The following CPED1 variants were observed in gnomAD, a reference collection of about 807,000 sequenced individuals.
The protein encoded by CPED1 is cadherin like and PC-esterase domain containing 1, also known as cadherin-like and PC-esterase domain-containing protein 1.
In CPED1, 114 loss-of-function variants were observed where a neutral mutation model predicts 128.2. The ratio of observed to expected loss-of-function variants is 0.89; its 90% CI spans 0.76 to 1.04. The LOEUF (loss-of-function observed/expected upper bound fraction) is 1.04. CPED1 is among the 50% of genes least tolerant of loss of function. The pLI is 0.00. For missense variants in CPED1, 1,211 were observed against 1,207.1 expected (o/e 1.00, Z -0.05); for synonymous variants, 462 against 426.7 (o/e 1.08, Z -1.02).
intron 16 of CPED1, among the ~76,000 whole-genome samples, chr7:121,222,712 G>A (rs1318073992): frequency 6.6e-6 from 1 of 152,082 alleles, no homozygotes; most frequent in Non-Finnish European, 1.5e-5. Context: ...TATTCTTTTT[G>A]TAGCAATTGT....
intron 15 of CPED1, among the ~76,000 whole-genome samples, chr7:121,141,246 C>A (rs1795895129): frequency 6.6e-6 from 1 of 151,750 alleles, no homozygotes; most frequent in Admixed American, 6.6e-5. Flanking sequence ...TAGAGAAGAT[C>A]CATTAAGGAA....
chr7:121,069,617 C>G (rs910282123), intron 5 of CPED1, among the ~76,000 whole-genome samples: 1 of 152,046 alleles, frequency 6.6e-6, no homozygotes, highest in Admixed American at 6.6e-5. Context: ...GGCACACATC[C>G]ACGGAATTTT....
chr7:121,277,511 C>G (rs992524088), intron 22 of CPED1, among the ~76,000 whole-genome samples: 4 of 152,090 alleles, frequency 2.6e-5, no homozygotes, highest in South Asian at 2.1e-4. Flanking sequence ...CAAGTGTATT[C>G]TGTGTGGCAG....
At chr7:121,273,051 T>G (rs891686639) in intron 22 of CPED1, among the ~76,000 whole-genome samples, 2 of 151,892 alleles carry the variant, frequency 1.3e-5, no homozygotes, top group African/African-American at 4.9e-5. Context: ...CTCTAGGAGA[T>G]TCAGCTGAAA....
chr7:121,133,910 T>C lies in CPED1; in HGVS notation c.1648+17T>C, dbSNP rs767552161. The C allele has an allele frequency of 7.2e-7, 1 of 1,385,390 alleles. No individual in the cohort carries two copies. Among genetic ancestry groups the C allele is most frequent in the South Asian group, 1.3e-5 (1 of 79,094 alleles). The allele number at this position is 1,385,390 out of a possible 1,614,324, so 85.8% of individuals were successfully genotyped here. On this transcript the variant is annotated intron_variant, in intron 13 of 22. Transcript: ENST00000310396. ...ATAAAAAAGGTAAAAATATAGATAT[T>C]CCCACTTATTTCAACATAAAAATAA...
chr7:121,277,201 T>C (rs1792347062), intron 22 of CPED1, among the ~76,000 whole-genome samples: 2 of 152,090 alleles, frequency 1.3e-5, no homozygotes, highest in Non-Finnish European at 2.9e-5. Flanking sequence ...ACTTGAGTGA[T>C]GGATTAGGGA....
intron 16 of CPED1, among the ~76,000 whole-genome samples, chr7:121,164,986 T>G (rs1796490850): frequency 6.6e-6 from 1 of 152,218 alleles, no homozygotes; most frequent in Admixed American, 6.5e-5. Flanking sequence ...TAAGTGATTC[T>G]GAACATCAAA....
intron 21 of CPED1, among the ~76,000 whole-genome samples, chr7:121,267,982 T>C (rs1456466297): frequency 6.6e-6 from 1 of 152,030 alleles, no homozygotes; most frequent in Non-Finnish European, 1.5e-5. Flanking sequence ...CTCAAAAATG[T>C]ATCTGCCTGG....
chr7:121,292,367 G>A (rs187492642), intron 22 of CPED1, among the ~76,000 whole-genome samples: 4 of 151,618 alleles, frequency 2.6e-5, no homozygotes, highest in Admixed American at 2.0e-4. Context: ...AGCTCCATCG[G>A]GTCATTTATG....
chr7:121,096,267 A>T (rs1387545350), intron 5 of CPED1, among the ~76,000 whole-genome samples: 1 of 152,180 alleles, frequency 6.6e-6, no homozygotes, highest in South Asian at 2.1e-4. Flanking sequence ...ACGGGAATAC[A>T]TTGAACAGCT....
chr7:120,997,941 AT>A (rs1796437606), intron 2 of CPED1, among the ~76,000 whole-genome samples: 5 of 130,674 alleles, frequency 3.8e-5, no homozygotes, highest in African/African-American at 1.7e-4. Flanking sequence ...ATAAAATAAA[AT>A]AAAATAAAAT....
chr7:121,221,803 A>G (rs1797885725), intron 16 of CPED1, among the ~76,000 whole-genome samples: 1 of 151,122 alleles, frequency 6.6e-6, no homozygotes, highest in African/African-American at 2.4e-5. Flanking sequence ...CCACTTTTTG[A>G]TTGGTTTATT....
At chr7:121,118,860 G>A (rs1483933359) in intron 7 of CPED1, among the ~76,000 whole-genome samples, 1 of 152,006 alleles carries the variant, frequency 6.6e-6, no homozygotes, top group African/African-American at 2.4e-5. Context: ...TTAAAAACTA[G>A]ATCTCCTGAG....
chr7:121,152,828 T>G (rs1413537877), intron 16 of CPED1, among the ~76,000 whole-genome samples: 1 of 152,206 alleles, frequency 6.6e-6, no homozygotes, highest in Non-Finnish European at 1.5e-5. Context: ...TATGAAGGAC[T>G]TTGTAGCATG....
chr7:121,023,828 A>G (rs1479486017), intron 3 of CPED1, among the ~76,000 whole-genome samples: 3 of 152,088 alleles, frequency 2.0e-5, no homozygotes, highest in Non-Finnish European at 4.4e-5. Flanking sequence ...CCTGAGTTTA[A>G]TATGCTCTAT....
intron 7 of CPED1, among the ~76,000 whole-genome samples, chr7:121,114,162 G>T (rs1029422797): frequency 6.6e-6 from 1 of 152,134 alleles, no homozygotes; most frequent in South Asian, 2.1e-4. Flanking sequence ...CCAGGAGATA[G>T]ATTGAGGTTT....
chr7:121,153,853 C>T (rs1796216693), intron 16 of CPED1, among the ~76,000 whole-genome samples: 1 of 152,084 alleles, frequency 6.6e-6, no homozygotes, highest in East Asian at 1.9e-4. Flanking sequence ...TGAAAAAACT[C>T]ACAAACCATC....
chr7:121,071,234 C>T (rs12176609), intron 5 of CPED1, among the ~76,000 whole-genome samples: 44,437 of 152,018 alleles, frequency 0.29, 8,320 homozygotes, highest in East Asian at 0.6. Context: ...GATAAATTTC[C>T]TCATGTTTCT....
intron 16 of CPED1, among the ~76,000 whole-genome samples, chr7:121,191,607 G>A (rs367766023): frequency 6.6e-6 from 1 of 152,038 alleles, no homozygotes; most frequent in South Asian, 2.1e-4. Context: ...GTGGCAAAAC[G>A]GAAAAGTTCT....
Sources: gnomAD v4.1 joint callset for allele counts (sites outside exome capture counted in the v4.1 genomes callset) on GRCh38, gnomAD v4.1.1 for gene constraint, MANE v1.5 for transcripts, NCBI Gene and HGNC (gene_info 2026-07-23, HGNC 2026-07-21) for gene names.